CYP7B1: variants seen among roughly 807,000 people sequenced by gnomAD.
The protein encoded by CYP7B1 is cytochrome P450 family 7 subfamily B member 1.
A neutral mutation model predicts 42.7 loss-of-function variants in CYP7B1; 29 were observed. The ratio of observed to expected loss-of-function variants is 0.68; its 90% CI spans 0.51 to 0.93. The LOEUF is 0.93. Among genes scored for constraint, CYP7B1 ranks in the 40% least tolerant of loss-of-function variants. The pLI, the probability that CYP7B1 is intolerant of heterozygous loss-of-function variation, is 0.00. For synonymous variants in CYP7B1, 235 were observed against 218.2 expected, an observed-to-expected ratio of 1.08 and a Z score of -0.68; for missense variants, 655 against 600.5, an observed-to-expected ratio of 1.09 and a Z score of -0.95.
chr8:64,588,331 G>T (rs774752507), downstream of CYP7B1, among the ~76,000 whole-genome samples: 1 of 152,182 alleles, frequency 6.6e-6, no homozygotes, highest in Non-Finnish European at 1.5e-5. Flanking sequence ...TGCTAAAATG[G>T]TATCACTGGT....
chr8:64,650,558 G>A (rs1806023433), intron 1 of CYP7B1, among the ~76,000 whole-genome samples: 1 of 152,126 alleles, frequency 6.6e-6, no homozygotes, highest in South Asian at 2.1e-4. Flanking sequence ...TGAGGCAGGA[G>A]AATCACTTGA....
At chr8:64,757,576 T>C (rs1807826316) in intron 1 of CYP7B1, among the ~76,000 whole-genome samples, 1 of 152,218 alleles carries the variant, frequency 6.6e-6, no homozygotes, top group Admixed American at 6.5e-5. Flanking sequence ...GTCAGTGTCC[T>C]ATGTGGCACC....
Position 64,682,008 on chromosome 8 carries a change from G to A in CYP7B1, c.123-57469C>T, listed in dbSNP as rs377744664. Among the ~76,000 whole-genome samples, 304 of 152,288 alleles carry A rather than the reference G, an allele frequency of 2.0e-3. 2 individuals carry two copies. The highest frequency in any genetic ancestry group is 7.1e-3 in the African/African-American group (297 of 41,564). On this transcript the variant is annotated intron_variant, in intron 1 of 5. Coordinates refer to ENST00000310193, the MANE Select transcript of CYP7B1 (RefSeq NM_004820.5). ...ACTGAGCAAGTTGTTAAGGTATTAA[G>A]AGAAAAACCCAGTAGATTTATTATT...
chr8:64,755,591 A>T (rs1008336511), intron 1 of CYP7B1, among the ~76,000 whole-genome samples: 7 of 151,730 alleles, frequency 4.6e-5, no homozygotes, highest in Non-Finnish European at 1.0e-4. Context: ...GCTAATTTTT[A>T]TATTTTTAGT....
At chr8:64,677,688 A>G (rs1390427525) in intron 1 of CYP7B1, among the ~76,000 whole-genome samples, 2 of 149,974 alleles carry the variant, frequency 1.3e-5, no homozygotes, top group East Asian at 3.9e-4. Flanking sequence ...AATGCATAAG[A>G]AGGAACCACA....
At chr8:64,793,489 A>G (rs1804655126) in intron 1 of CYP7B1, among the ~76,000 whole-genome samples, 2 of 152,088 alleles carry the variant, frequency 1.3e-5, no homozygotes, top group South Asian at 4.1e-4. Context: ...TTCAACAACA[A>G]TTTGGGAAGT....
At chr8:64,733,837 G>C (rs979067098) in intron 1 of CYP7B1, among the ~76,000 whole-genome samples, 21 of 151,958 alleles carry the variant, frequency 1.4e-4, no homozygotes, top group African/African-American at 4.8e-4. Flanking sequence ...AGGCATTGTG[G>C]TACATGCCTA....
chr8:64,649,084 C>T (rs749920547), intron 1 of CYP7B1, among the ~76,000 whole-genome samples: 3 of 152,122 alleles, frequency 2.0e-5, no homozygotes, highest in African/African-American at 7.2e-5. Context: ...ATCTCTAGAA[C>T]GGTTTTCATC....
At chr8:64,661,553 G>C (rs1806200035) in intron 1 of CYP7B1, among the ~76,000 whole-genome samples, 1 of 152,134 alleles carries the variant, frequency 6.6e-6, no homozygotes, top group Non-Finnish European at 1.5e-5. Context: ...TCATTGCTTA[G>C]GTTGATTTCT....
chr8:64,768,455 T>A (rs1405592562), intron 1 of CYP7B1, among the ~76,000 whole-genome samples: 1 of 152,338 alleles, frequency 6.6e-6, no homozygotes, highest in East Asian at 1.9e-4. Flanking sequence ...GTTTAAAAAA[T>A]TGATGTTTTA....
chr8:64,682,905 C>T (rs936992457), intron 1 of CYP7B1, among the ~76,000 whole-genome samples: 2 of 152,188 alleles, frequency 1.3e-5, no homozygotes, highest in African/African-American at 2.4e-5. Context: ...ATCAAGAATG[C>T]TTCTTTCAGT....
intron 2 of CYP7B1, among the ~76,000 whole-genome samples, chr8:64,618,158 T>C (rs959292634): frequency 6.6e-6 from 1 of 151,440 alleles, no homozygotes; most frequent in Non-Finnish European, 1.5e-5. Context: ...CACAGCTTAA[T>C]TAAATAAAAT....
intron 1 of CYP7B1, among the ~76,000 whole-genome samples, chr8:64,748,692 C>T (rs1217437401): frequency 3.3e-5 from 5 of 152,194 alleles, no homozygotes; most frequent in African/African-American, 9.7e-5. Flanking sequence ...TCAGTCTACA[C>T]ACCCTCATTT....
chr8:64,593,605 A>T lies in CYP7B1; in HGVS notation c.*3037T>A, dbSNP rs916562591. ...GTAGTATCAGCAGTCTGAAAAATGC[A>T]AATACAAATTCTCTCTTGAGGAATG... is the stretch of plus-strand genomic sequence containing the variant. On this transcript the variant is annotated 3_prime_UTR_variant, in exon 6 of 6. Transcript: ENST00000310193. Among the ~76,000 whole-genome samples, 3 of 152,158 alleles carry T rather than the reference A, an allele frequency of 2.0e-5. No individual in the cohort carries two copies. Among genetic ancestry groups the T allele is most frequent in the Non-Finnish European group, 2.9e-5 (2 of 68,032 alleles).
chr8:64,588,556 AC>A (rs1193155282), downstream of CYP7B1, among the ~76,000 whole-genome samples: 2 of 152,256 alleles, frequency 1.3e-5, no homozygotes, highest in African/African-American at 4.8e-5. Context: ...CTCATTTTAT[AC>A]ATTTATCCTG....
intron 1 of CYP7B1, among the ~76,000 whole-genome samples, chr8:64,710,184 T>G (rs1202895164): frequency 6.6e-6 from 1 of 152,172 alleles, no homozygotes; most frequent in Non-Finnish European, 1.5e-5. Context: ...CAAGTCTTCG[T>G]AAAGCACAGA....
chr8:64,731,408 C>T (rs987769846), intron 1 of CYP7B1, among the ~76,000 whole-genome samples: 3 of 152,116 alleles, frequency 2.0e-5, no homozygotes, highest in Non-Finnish European at 1.5e-5. Context: ...AAGAGACTGG[C>T]AGCATTTTGC....
At position 64,604,791 on chromosome 8, in the gene CYP7B1, T is replaced by A. The variant is rs1195114370; in HGVS notation, c.1124A>T (p.Asp375Val). 1.2e-6 allele frequency: 2 copies of A among 1,614,048 alleles called. No individual in the cohort carries two copies. The highest frequency in any genetic ancestry group is 4.5e-5 in the East Asian group (2 of 44,878). Residue 375 changes from aspartate to valine, a missense_variant, in exon 5 of 6, where the codon GAT becomes GTT. Physicochemically the swap from Asp to Val is radical, Grantham distance 152. Coordinates refer to ENST00000310193, the MANE Select transcript of CYP7B1 (RefSeq NM_004820.5). Reference sequence around the variant, plus strand: ...CCCGGTCTCTGAACTGAGAGTCAAATCCTCCTCAACAAAACGAATGGTGGT... The same window carrying A: ...CCCGGTCTCTGAACTGAGAGTCAAAACCTCCTCAACAAAACGAATGGTGGT... ...YSTTIRFVEE[D>V]LTLSSETGDY...
At chr8:64,609,760 C>T (rs940018982) in intron 4 of CYP7B1, among the ~76,000 whole-genome samples, 1 of 152,012 alleles carries the variant, frequency 6.6e-6, no homozygotes, top group Non-Finnish European at 1.5e-5. Flanking sequence ...TTCTGATATG[C>T]CAGAGATTAT....
Sources: allele counts gnomAD v4.1 joint callset (sites outside exome capture counted in the v4.1 genomes callset), GRCh38; gene constraint gnomAD v4.1.1; transcripts MANE v1.5; gene names NCBI Gene and HGNC (gene_info 2026-07-23, HGNC 2026-07-21).